Variants in FAM222B observed in about 807,000 individuals in gnomAD.
FAM222B encodes the protein protein FAM222B.
FAM222B carries 12 observed loss-of-function variants against 38.0 expected under a neutral mutation model. The ratio of observed to expected loss-of-function variants is 0.32; its 90% confidence interval spans 0.20 to 0.51. The LOEUF (loss-of-function observed/expected upper bound fraction) is 0.51, where lower values mean the gene tolerates loss of function less well. FAM222B is among the 20% of genes least tolerant of loss of function. FAM222B has a pLI of 0.97. For missense variants in FAM222B, 716 were observed against 754.2 expected, an observed-to-expected ratio of 0.95 and a Z score of 0.59; for synonymous variants, 329 against 317.2, an observed-to-expected ratio of 1.04 and a Z score of -0.40.
intron 1 of FAM222B, among the ~76,000 whole-genome samples, chr17:28,800,703 C>T (rs923021041): frequency 1.1e-4 from 17 of 152,192 alleles, no homozygotes; most frequent in African/African-American, 4.1e-4. Context: ...AACACAGTAT[C>T]ACTCTCCAAT....
At chr17:28,830,303 A>AG (rs1244176479) in intron 1 of FAM222B, among the ~76,000 whole-genome samples, 1 of 151,732 alleles carries the variant, frequency 6.6e-6, no homozygotes, top group Non-Finnish European at 1.5e-5. Context: ...CTGGGACTAC[A>AG]GGTGCCCGCA....
intron 1 of FAM222B, among the ~76,000 whole-genome samples, chr17:28,776,324 C>T (rs1210302400): frequency 1.5e-5 from 2 of 134,994 alleles, no homozygotes; most frequent in Non-Finnish European, 3.0e-5. Flanking sequence ...TGCAATGAGG[C>T]GAGATCACGC....
chr17:28,794,136 G>A (rs2036830206), intron 1 of FAM222B, among the ~76,000 whole-genome samples: 1 of 151,848 alleles, frequency 6.6e-6, no homozygotes, highest in Non-Finnish European at 1.5e-5. Context: ...CAAAGGATAC[G>A]AAGGCAGGCA....
At chr17:28,841,830 A>C (rs2039047055) in intron 1 of FAM222B, among the ~76,000 whole-genome samples, 1 of 152,148 alleles carries the variant, frequency 6.6e-6, no homozygotes, top group Non-Finnish European at 1.5e-5. Flanking sequence ...TATTTTTCCT[A>C]CAGAAGTCTG....
chr17:28,826,256 G>T (rs1461604955), intron 1 of FAM222B, among the ~76,000 whole-genome samples: 1 of 151,360 alleles, frequency 6.6e-6, no homozygotes, highest in African/African-American at 2.4e-5. Flanking sequence ...TTTTAGTAGA[G>T]ACAGGGTTTC....
At chr17:28,837,943 A>C (rs897937402) in intron 1 of FAM222B, among the ~76,000 whole-genome samples, 1 of 152,032 alleles carries the variant, frequency 6.6e-6, no homozygotes, top group African/African-American at 2.4e-5. Context: ...GTGAGCCAAC[A>C]TGTCCGACCA....
chr17:28,788,146 A>G (rs868066643), intron 1 of FAM222B, among the ~76,000 whole-genome samples: 4 of 151,624 alleles, frequency 2.6e-5, no homozygotes, highest in Admixed American at 6.6e-5. Context: ...TTAAACCTCT[A>G]AAGTGTTGAA....
chr17:28,827,799 A>G (rs2038496102), intron 1 of FAM222B, among the ~76,000 whole-genome samples: 1 of 152,224 alleles, frequency 6.6e-6, no homozygotes, highest in African/African-American at 2.4e-5. Context: ...ATCAGGCACT[A>G]GGGTAATGAA....
At chr17:28,839,532 A>G (rs2038962275) in intron 1 of FAM222B, among the ~76,000 whole-genome samples, 1 of 152,194 alleles carries the variant, frequency 6.6e-6, no homozygotes, top group Non-Finnish European at 1.5e-5. Flanking sequence ...CGCTTATTTG[A>G]ACTGATGGAA....
intron 1 of FAM222B, among the ~76,000 whole-genome samples, chr17:28,788,349 T>C (rs1238283808): frequency 6.6e-6 from 1 of 152,106 alleles, no homozygotes; most frequent in Non-Finnish European, 1.5e-5. Context: ...ACGGATCTTC[T>C]TGCCTCAGCT....
intron 1 of FAM222B, among the ~76,000 whole-genome samples, chr17:28,794,281 C>T (rs1470929947): frequency 6.6e-6 from 1 of 150,848 alleles, no homozygotes; most frequent in African/African-American, 2.4e-5. Context: ...TGCAGTGGTG[C>T]GATCTCGGCT....
chr17:28,854,915 C>T (rs2039216585), intron 1 of FAM222B: 1 of 1,113,676 alleles, frequency 9.0e-7, no homozygotes. Context: ...CGCCCACATC[C>T]CATGTGTCTC....
At chr17:28,850,353 G>A (rs1199303124) in intron 1 of FAM222B, among the ~76,000 whole-genome samples, 2 of 151,672 alleles carry the variant, frequency 1.3e-5, no homozygotes, top group African/African-American at 4.8e-5. Context: ...CCGGGCTGGA[G>A]TGCAGTGGTG....
chr17:28,808,209 C>A (rs1051922471), intron 1 of FAM222B, among the ~76,000 whole-genome samples: 2 of 152,180 alleles, frequency 1.3e-5, no homozygotes, highest in Non-Finnish European at 2.9e-5. Context: ...AGTTACAAAA[C>A]CAAAATAATC....
rs759667523 is a variant in FAM222B, at chr17:28,758,660, T to C, written c.1299A>G (p.Pro433=). The C allele has an allele frequency of 3.0e-5, 48 of 1,609,004 alleles. No individual in the cohort carries two copies. The East Asian group carries it at 9.2e-4, about 31-fold the overall frequency. ...KPPLEKPTPS[P]PVNGMAAPLA... ...ATGGGGCTGCCATGCCGTTGACTGGTGGGGATGGGGTCGGCTTTTCCAGGG... is the reference window on the plus strand; with the variant it reads ...ATGGGGCTGCCATGCCGTTGACTGGCGGGGATGGGGTCGGCTTTTCCAGGG... Residue 433 remains proline (P), a synonymous_variant, in exon 3 of 3, where the codon CCA becomes CCG. Transcript: ENST00000581407.
In FAM222B at chr17:28,758,975, C is replaced by T. The variant is rs2034889634; in HGVS notation, c.984G>A (p.Glu328=). 6.2e-7 allele frequency: 1 copy of T among 1,611,716 alleles called. No individual in the cohort carries two copies. Among genetic ancestry groups the T allele is most frequent in the Admixed American group, 1.7e-5 (1 of 59,598 alleles). Residue 328 remains glutamate, a synonymous_variant, in exon 3 of 3, where the codon GAG becomes GAA. Transcript: ENST00000581407. ...PMPSCVVNPM[E]HTHAATAALP... ...ACGCGGCGGTGGCCGCGTGGGTGTG[C>T]TCCATGGGATTGACCACACATGAAG...
chr17:28,821,333 G>T, intron 1 of FAM222B, among the ~76,000 whole-genome samples: 1 of 152,052 alleles, frequency 6.6e-6, no homozygotes, highest in South Asian at 2.1e-4. Context: ...GGAATTTAAG[G>T]CCTCTCAATA....
chr17:28,790,175 A>G (rs530293809), intron 1 of FAM222B, among the ~76,000 whole-genome samples: 2 of 152,334 alleles, frequency 1.3e-5, no homozygotes, highest in African/African-American at 4.8e-5. Context: ...TAAAACAAGA[A>G]ATCATTAGTT....
At chr17:28,828,095 A>AT (rs528492764) in intron 1 of FAM222B, among the ~76,000 whole-genome samples, 5,092 of 74,706 alleles carry the variant, frequency 0.068, 767 homozygotes, top group African/African-American at 0.091. Flanking sequence ...ATCAAATCCA[A>AT]TTTTTTTTTT....
Sources: gnomAD v4.1 joint callset for allele counts (sites outside exome capture counted in the v4.1 genomes callset) on GRCh38, gnomAD v4.1.1 for gene constraint, MANE v1.5 for transcripts, NCBI Gene and HGNC (gene_info 2026-07-23, HGNC 2026-07-21) for gene names.